Variants in TGS1 observed in about 807,000 individuals in gnomAD.
TGS1 encodes the protein trimethylguanosine synthase.
In TGS1, 69 loss-of-function variants were observed where a neutral mutation model predicts 92.2. That is an observed-to-expected ratio of 0.75 (90% CI 0.62 to 0.91). The LOEUF (loss-of-function observed/expected upper bound fraction) is 0.91. TGS1 is among the 40% of genes least tolerant of loss of function. TGS1 has a pLI of 0.00. For synonymous variants in TGS1, 345 were observed against 338.1 expected, an observed-to-expected ratio of 1.02 and a Z score of -0.22; for missense variants, 1,062 against 1,001.2, an observed-to-expected ratio of 1.06 and a Z score of -0.82.
chr8:55,812,514 A>AG lies in TGS1; in HGVS notation c.2361-526_2361-525insG, dbSNP rs1318712351. Among the ~76,000 whole-genome samples, 8 of 150,678 alleles carry AG rather than the reference A, an allele frequency of 5.3e-5. No homozygotes were observed. The East Asian group carries it at 1.4e-3, about 26-fold the overall frequency. On this transcript the variant is annotated intron_variant, in intron 11 of 12. Transcript: ENST00000260129. ...CTGTCTCAAAAAAAAAAAAAAAAAA[A>AG]ATTACAGTGTAAATTAGCTGGGCAT...
Position 55,786,968 on chromosome 8 carries a change from G to A in TGS1, c.1070G>A (p.Cys357Tyr). ...QLSEVSSKRE[C>Y]PASGQSEPRN... ...AGTGAAGTTAGTAGCAAAAGAGAGT[G>A]CCCTGCTTCCGGCCAAAGTGAACCA... is the stretch of plus-strand genomic sequence containing the variant. The change falls in exon 4 of 13, where the codon TGC (cysteine) becomes TAC (tyrosine). Residue 357 changes from cysteine (C) to tyrosine (Y), a missense_variant. Physicochemically the swap from Cys to Tyr is radical, Grantham distance 194 (BLOSUM62 -2). Transcript: ENST00000260129. 6.2e-7 allele frequency: 1 copy of A among 1,614,134 alleles called. No individual in the cohort carries two copies. Among genetic ancestry groups the A allele is most frequent in the South Asian group, 1.1e-5 (1 of 91,072 alleles).
chr8:55,786,269 TA>T lies in TGS1; in HGVS notation c.377del (p.Lys126ArgfsTer9). 6.7e-7 allele frequency: 1 copy of T among 1,492,328 alleles called. No individual in the cohort carries two copies. Among genetic ancestry groups the T allele is most frequent in the Middle Eastern group, 1.8e-4 (1 of 5,688 alleles). The allele number at this position is 1,492,328 out of a possible 1,614,324, so 92.4% of individuals were successfully genotyped here. ...ATGAATACTAGAAATAAAGTTAAAA[TA>T]AAAAAGAAAAAACATCAAAAGAAAT... ...VSMNTRNKVK[I>X]KKKKHQKKYL... On this transcript the variant is annotated frameshift_variant, in exon 4 of 13. Coordinates refer to ENST00000260129, the MANE Select transcript of TGS1 (RefSeq NM_024831.8). LOFTEE classifies it high-confidence loss of function.
At chr8:55,821,454 G>GT (rs1434322784) in intron 12 of TGS1, among the ~76,000 whole-genome samples, 1 of 151,898 alleles carries the variant, frequency 6.6e-6, no homozygotes, top group Non-Finnish European at 1.5e-5. Flanking sequence ...TCTTACCTCC[G>GT]TTTTTTATTT....
At chr8:55,815,336 T>C (rs980539226) in intron 12 of TGS1, among the ~76,000 whole-genome samples, 3 of 152,214 alleles carry the variant, frequency 2.0e-5, no homozygotes, top group Non-Finnish European at 4.4e-5. Context: ...TTTTTTTTGC[T>C]ATCAAATTTT....
chr8:55,818,501 A>G (rs1429997004), intron 12 of TGS1, among the ~76,000 whole-genome samples: 2 of 152,230 alleles, frequency 1.3e-5, no homozygotes, highest in Non-Finnish European at 2.9e-5. Context: ...GCTTAATCAT[A>G]CACTGCAATT....
chr8:55,808,012 A>G (rs1387607334), intron 10 of TGS1, among the ~76,000 whole-genome samples: 1 of 152,244 alleles, frequency 6.6e-6, no homozygotes, highest in Non-Finnish European at 1.5e-5. Flanking sequence ...AGCTGTAGAA[A>G]AAACAGACTC....
intron 9 of TGS1, among the ~76,000 whole-genome samples, chr8:55,803,011 C>T (rs1447679179): frequency 4.7e-5 from 7 of 149,400 alleles, no homozygotes; most frequent in Non-Finnish European, 1.0e-4. Context: ...GTTTATTTTT[C>T]AAGTTCTTTA....
At chr8:55,820,217 G>A (rs1277966086) in intron 12 of TGS1, among the ~76,000 whole-genome samples, 1 of 151,978 alleles carries the variant, frequency 6.6e-6, no homozygotes, top group Non-Finnish European at 1.5e-5. Flanking sequence ...TTCGGTTATC[G>A]TGCACTTTTA....
rs1291748724 is a variant in TGS1, at chr8:55,825,201, C to T, written c.*498C>T. The stretch of plus-strand genomic sequence containing the variant: ...CCTCCCCAAGTGCTGGAATTACAGG[C>T]GTGAGCTACTGTGCCCAGCCTTACG... On this transcript the variant is annotated 3_prime_UTR_variant, in exon 13 of 13. Transcript: ENST00000260129. 6.5e-6 allele frequency: 1 copy of T among 152,862 alleles called. No homozygotes were observed. Among genetic ancestry groups the T allele is most frequent in the Non-Finnish European group, 1.5e-5 (1 of 68,608 alleles). The allele number at this position is 152,862 out of a possible 1,614,324, so 9.5% of individuals were successfully genotyped here.
At chr8:55,811,174 T>TG in intron 11 of TGS1, 77 bp downstream of exon 11, 1 of 260,002 alleles carries the variant, frequency 3.8e-6, no homozygotes, top group Non-Finnish European at 7.5e-6. Context: ...AGAGAGGGAG[T>TG]GTGGGTGGGT....
intron 1 of TGS1, among the ~76,000 whole-genome samples, chr8:55,780,176 C>CTT (rs1379304311): frequency 1.9e-4 from 20 of 107,122 alleles, no homozygotes; most frequent in South Asian, 3.2e-4. Flanking sequence ...TTTTTTTTTT[C>CTT]TTTTTTTTTT....
chr8:55,773,771 A>T (rs775110987), intron 1 of TGS1, 52 bp downstream of exon 1: 2 of 1,429,940 alleles, frequency 1.4e-6, no homozygotes, highest in South Asian at 2.4e-5. Context: ...TTACCCAGAA[A>T]TGTAGGTATT....
rs531312177 is a variant in TGS1 at position 55,802,086 on chromosome 8, C to G, written c.1850-371C>G. Among the ~76,000 whole-genome samples, 34 of 152,126 alleles carry G rather than the reference C, an allele frequency of 2.2e-4. No individual in the cohort carries two copies. The South Asian group carries it at 6.8e-3, about 31-fold the overall frequency. ...ACGGGCGCCTGTAGTCCCAGCTACTCGGGAGGCTGAGGCAGGAGAATGGTG... is the reference window on the plus strand; with the variant it reads ...ACGGGCGCCTGTAGTCCCAGCTACTGGGGAGGCTGAGGCAGGAGAATGGTG... On this transcript the variant is annotated intron_variant, in intron 8 of 12. Transcript: ENST00000260129.
intron 12 of TGS1, among the ~76,000 whole-genome samples, chr8:55,817,684 C>G (rs987158794): frequency 2.6e-5 from 4 of 152,198 alleles, no homozygotes; most frequent in African/African-American, 7.2e-5. Context: ...AATGGTAGCT[C>G]TCTCGTAGAG....
At chr8:55,814,538 A>C (rs1315107173) in intron 12 of TGS1, among the ~76,000 whole-genome samples, 1 of 151,614 alleles carries the variant, frequency 6.6e-6, no homozygotes, top group African/African-American at 2.4e-5. Context: ...TTATAAGAAA[A>C]AGGGGCTGGG....
intron 12 of TGS1, among the ~76,000 whole-genome samples, chr8:55,817,546 CTAAGTAG>C (rs1381172908): frequency 6.6e-6 from 1 of 152,032 alleles, no homozygotes; most frequent in Non-Finnish European, 1.5e-5. Flanking sequence ...TGCAAATATT[CTAAGTAG>C]TTATAGTATC....
rs752133087 is a variant in TGS1 at position 55,795,879 on chromosome 8, TGTAAAAATGA to T, written c.1368-96_1368-87del. On this transcript the variant is annotated intron_variant, in intron 6 of 12. Transcript: ENST00000260129. Reference sequence around the variant, plus strand: ...AATTTTAAAAAGGGAATTAAAATGGTGTAAAAATGAGTGAAAATGTTAGTTTCATCCTCTT... The same window carrying T: ...AATTTTAAAAAGGGAATTAAAATGGTGTGAAAATGTTAGTTTCATCCTCTT... 158 of 871,350 alleles carry T rather than the reference TGTAAAAATGA, an allele frequency of 1.8e-4. 2 individuals are homozygous for T. The Middle Eastern group carries it at 3.2e-3, about 18-fold the overall frequency. The allele number at this position is 871,350 out of a possible 1,614,324, so 54.0% of individuals were successfully genotyped here.
intron 2 of TGS1, 143 bp from the exon 3 acceptor site, chr8:55,785,576 C>T (rs760329580): frequency 1.8e-6 from 1 of 565,234 alleles, no homozygotes; most frequent in East Asian, 3.1e-5. Context: ...AGACCCCCAT[C>T]TCTAAAAAAT....
intron 11 of TGS1, among the ~76,000 whole-genome samples, 173 bp from the exon 12 acceptor site, chr8:55,812,867 T>G (rs900098939): frequency 6.6e-5 from 10 of 152,238 alleles, no homozygotes; most frequent in Non-Finnish European, 1.2e-4. Flanking sequence ...GACAATATTT[T>G]GCTGAATTAC....
Sources: allele counts gnomAD v4.1 joint callset (sites outside exome capture counted in the v4.1 genomes callset), GRCh38; gene constraint gnomAD v4.1.1; transcripts MANE v1.5; gene names NCBI Gene and HGNC (gene_info 2026-07-23, HGNC 2026-07-21).